The following VAV3 variants were observed in gnomAD, a reference collection of about 807,000 sequenced individuals.
VAV3 encodes guanine nucleotide exchange factor VAV3.
Under a neutral mutation model 131.2 loss-of-function variants are expected in VAV3, and 94 were observed. The ratio of observed to expected loss-of-function variants is 0.72; its 90% confidence interval spans 0.61 to 0.85. The LOEUF (loss-of-function observed/expected upper bound fraction) is 0.85. Among genes scored for constraint, VAV3 ranks in the 40% least tolerant of loss-of-function variants. The probability of loss-of-function intolerance (pLI) is 0.00; values close to 1 mark genes in which losing one functional copy is unlikely to be tolerated. For missense variants in VAV3, 939 were observed against 1,002.7 expected (o/e 0.94, Z 0.86); for synonymous variants, 349 against 342.0 (o/e 1.02, Z -0.22).
At chr1:107,638,589 A>T (rs1319321752) in intron 20 of VAV3, among the ~76,000 whole-genome samples, 2 of 152,182 alleles carry the variant, frequency 1.3e-5, no homozygotes, top group Non-Finnish European at 2.9e-5. Context: ...TCTTGTTAGG[A>T]TGTCAATTTT....
chr1:107,849,114 A>G (rs895586772), intron 2 of VAV3, among the ~76,000 whole-genome samples: 4 of 152,156 alleles, frequency 2.6e-5, no homozygotes, highest in Admixed American at 6.5e-5. Context: ...TCATGGATAG[A>G]AAGAATCAAT....
At chr1:107,863,006 T>C (rs978519430) in intron 2 of VAV3, among the ~76,000 whole-genome samples, 18 of 152,102 alleles carry the variant, frequency 1.2e-4, no homozygotes, top group East Asian at 9.6e-4. Context: ...AAATTTAGGA[T>C]GGCACAATAT....
In VAV3 at chr1:107,876,755, A is replaced by T. The variant is rs139017668; in HGVS notation, c.205-1738T>A. On this transcript the variant is annotated intron_variant, in intron 1 of 26. Transcript: ENST00000370056. ...TAACTGCAGTGGCACATATTTTTTT[A>T]AAAATATACATGTGAAAACTTTAAA... 9.6e-3 allele frequency among the ~76,000 whole-genome samples: 1,458 copies of T among 152,266 alleles called. 26 individuals carry two copies. The highest frequency in any genetic ancestry group is 0.033 in the African/African-American group (1,382 of 41,538).
chr1:107,725,657 G>C (rs1025189824), intron 15 of VAV3, among the ~76,000 whole-genome samples: 11 of 152,142 alleles, frequency 7.2e-5, no homozygotes, highest in African/African-American at 2.7e-4. Flanking sequence ...TGGGATCACA[G>C]ACATGTGCCA....
intron 15 of VAV3, among the ~76,000 whole-genome samples, chr1:107,727,810 A>C (rs1488055562): frequency 6.6e-6 from 1 of 152,234 alleles, no homozygotes; most frequent in Non-Finnish European, 1.5e-5. Context: ...TATAAAACCA[A>C]GGATTCTCTT....
At chr1:107,861,086 T>G (rs1338085045) in intron 2 of VAV3, among the ~76,000 whole-genome samples, 1 of 151,568 alleles carries the variant, frequency 6.6e-6, no homozygotes, top group Non-Finnish European at 1.5e-5. Context: ...TGTTGCTACT[T>G]AAGAAATTTC....
intron 20 of VAV3, among the ~76,000 whole-genome samples, chr1:107,627,991 C>T (rs949554327): frequency 1.6e-4 from 24 of 149,410 alleles, no homozygotes; most frequent in African/African-American, 5.3e-4. Context: ...AGTGCTCTAA[C>T]CAGGCAGGAA....
chr1:107,699,725 T>C (rs919055797), intron 17 of VAV3, among the ~76,000 whole-genome samples: 1 of 152,162 alleles, frequency 6.6e-6, no homozygotes, highest in Non-Finnish European at 1.5e-5. Context: ...CAAAGCTCGA[T>C]TCTTTCTCTC....
intron 11 of VAV3, 32 bp downstream of exon 11, chr1:107,757,229 A>T (rs761542740): frequency 1.3e-6 from 2 of 1,598,120 alleles, no homozygotes; most frequent in South Asian, 1.1e-5. Context: ...AGAATAAAAA[A>T]TACAAACAAA....
chr1:107,650,050 G>T (rs1047995611), intron 19 of VAV3, among the ~76,000 whole-genome samples: 1 of 152,120 alleles, frequency 6.6e-6, no homozygotes, highest in African/African-American at 2.4e-5. Flanking sequence ...GACCTGAGGA[G>T]AAGACAGTAG....
intron 5 of VAV3, among the ~76,000 whole-genome samples, chr1:107,771,080 A>T (rs1198654905): frequency 6.6e-6 from 1 of 152,210 alleles, no homozygotes; most frequent in Admixed American, 6.5e-5. Flanking sequence ...CAAAAACAAT[A>T]AAAAGGTATT....
At chr1:107,604,547 T>C (rs1652122125) in intron 22 of VAV3, among the ~76,000 whole-genome samples, 1 of 152,170 alleles carries the variant, frequency 6.6e-6, no homozygotes. Flanking sequence ...CTTTTGCGCT[T>C]AGGGTCTTCT....
rs114839899 is a variant in VAV3, at chr1:107,902,748, C to G, written c.205-27731G>C. Among the ~76,000 whole-genome samples the G allele has an allele frequency of 2.1e-3, 313 of 151,818 alleles. 1 individual carries two copies. The highest frequency in any genetic ancestry group is 7.1e-3 in the African/African-American group (294 of 41,358). On this transcript the variant is annotated intron_variant, in intron 1 of 26. Coordinates refer to ENST00000370056, the MANE Select transcript of VAV3 (RefSeq NM_006113.5). ...TATCAACAAGAGAGGGGAAGGAGAGCGAAGGCCAGTAGGATACAAATAAAA... is the reference window on the plus strand; with the variant it reads ...TATCAACAAGAGAGGGGAAGGAGAGGGAAGGCCAGTAGGATACAAATAAAA...
intron 1 of VAV3, among the ~76,000 whole-genome samples, chr1:107,921,220 A>T (rs770950910): frequency 1.1e-4 from 17 of 152,090 alleles, no homozygotes; most frequent in African/African-American, 1.9e-4. Flanking sequence ...GGCCTTAAGG[A>T]TCTATGTATC....
chr1:107,709,510 T>G (rs1660649386), intron 15 of VAV3, among the ~76,000 whole-genome samples: 1 of 152,212 alleles, frequency 6.6e-6, no homozygotes, highest in African/African-American at 2.4e-5. Context: ...AATCTCAGAA[T>G]TTATGTTTAC....
chr1:107,948,786 C>T (rs1038839717), intron 1 of VAV3, among the ~76,000 whole-genome samples: 2 of 151,866 alleles, frequency 1.3e-5, no homozygotes, highest in African/African-American at 4.8e-5. Flanking sequence ...GTGGAGGTTG[C>T]GGTGAGCTGA....
In VAV3 at chr1:107,573,364, C is replaced by T. The variant is rs1257368915; in HGVS notation, c.2511G>A (p.Trp837Ter). 6.2e-7 allele frequency: 1 copy of T among 1,613,980 alleles called. No individual in the cohort carries two copies. The highest frequency in any genetic ancestry group is 1.7e-5 in the Admixed American group (1 of 60,002). The change falls in exon 27 of 27, where the codon TGG becomes TGA. Residue 837 changes from tryptophan (W) to a stop codon, truncating the protein, a stop_gained. Coordinates refer to ENST00000370056, the MANE Select transcript of VAV3 (RefSeq NM_006113.5). LOFTEE classifies it high-confidence loss of function. Reference protein sequence around the residue: ...WRGEVNGRVGWFPSTYVEEDE With the variant: ...WRGEVNGRVG Reference sequence around the variant, plus strand: ...CCTCTTCCACATATGTGGATGGAAACCAGCCCACCTAAAAAAGAAAAGCAA... The same window carrying T: ...CCTCTTCCACATATGTGGATGGAAATCAGCCCACCTAAAAAAGAAAAGCAA...
At chr1:107,883,274 T>C in intron 1 of VAV3, among the ~76,000 whole-genome samples, 1 of 152,214 alleles carries the variant, frequency 6.6e-6, no homozygotes, top group East Asian at 1.9e-4. Flanking sequence ...GGCTCACATC[T>C]GTTATGGTAA....
intron 1 of VAV3, chr1:107,964,439 C>T: frequency 2.0e-6 from 1 of 495,008 alleles, no homozygotes; most frequent in South Asian, 2.9e-5. Context: ...TTACGAAATC[C>T]TCACACCATC....
Sources: allele counts gnomAD v4.1 joint callset (sites outside exome capture counted in the v4.1 genomes callset), GRCh38; gene constraint gnomAD v4.1.1; transcripts MANE v1.5; gene names NCBI Gene and HGNC (gene_info 2026-07-23, HGNC 2026-07-21).